The following SYCP1 variants were observed in gnomAD, a reference collection of about 807,000 sequenced individuals.
SYCP1 encodes cancer/testis antigen 8.
A neutral mutation model predicts 153.1 loss-of-function variants in SYCP1; 64 were observed. The observed-to-expected ratio is 0.42, with a 90% CI of 0.34 to 0.51. The LOEUF (loss-of-function observed/expected upper bound fraction) is 0.51, where lower values mean the gene tolerates loss of function less well. SYCP1 is among the 20% of genes least tolerant of loss of function. The pLI is 0.06. For synonymous variants in SYCP1, 384 were observed against 341.8 expected (o/e 1.12, Z -1.36); for missense variants, 997 against 1,049.0 (o/e 0.95, Z 0.68).
intron 2 of SYCP1, among the ~76,000 whole-genome samples, chr1:114,855,775 G>A (rs1293550067): frequency 1.3e-5 from 2 of 152,120 alleles, no homozygotes; most frequent in African/African-American, 4.8e-5. Flanking sequence ...GACTGCTGCC[G>A]TAGAACTCTG....
At chr1:114,893,235 C>T (rs992345004) in intron 15 of SYCP1, among the ~76,000 whole-genome samples, 1 of 152,050 alleles carries the variant, frequency 6.6e-6, no homozygotes, top group African/African-American at 2.4e-5. Flanking sequence ...TGTTCTTTTT[C>T]CTGAATTGGG....
intron 23 of SYCP1, among the ~76,000 whole-genome samples, chr1:114,942,625 C>T (rs1469328227): frequency 3.3e-5 from 5 of 151,824 alleles, no homozygotes; most frequent in African/African-American, 1.2e-4. Context: ...GAACATTTGA[C>T]TATCTATATG....
chr1:114,978,196 C>G (rs1672926358), intron 28 of SYCP1, among the ~76,000 whole-genome samples: 1 of 151,452 alleles, frequency 6.6e-6, no homozygotes, highest in Non-Finnish European at 1.5e-5. Flanking sequence ...CTTGAAATCC[C>G]AAATTAGACA....
chr1:114,859,546 C>A, intron 6 of SYCP1, 197 bp from the exon 7 acceptor site: 1 of 205,956 alleles, frequency 4.9e-6, no homozygotes, highest in South Asian at 1.1e-4. Flanking sequence ...ATTTAGCCTT[C>A]TTTATTTTAG....
chr1:114,916,968 A>G (rs1004937198), intron 20 of SYCP1, among the ~76,000 whole-genome samples: 5 of 152,116 alleles, frequency 3.3e-5, no homozygotes, highest in Admixed American at 2.6e-4. Flanking sequence ...TGGGGTATGC[A>G]TCACTTTAAG....
At chr1:114,981,576 C>A in intron 29 of SYCP1, 64 bp downstream of exon 29, 1 of 1,400,554 alleles carries the variant, frequency 7.1e-7, no homozygotes, top group South Asian at 1.3e-5. Context: ...GTTCTGTTAT[C>A]ACCATATATC....
Position 114,874,525 on chromosome 1 carries a change from A to G in SYCP1, c.618A>G (p.Glu206=). 6.3e-7 allele frequency: 1 copy of G among 1,575,942 alleles called. No individual in the cohort carries two copies. The highest frequency in any genetic ancestry group is 8.6e-7 in the Non-Finnish European group (1 of 1,157,368). ...KTKKYEYERE[E]TRQVYMDLNN... ...CAATAGATGAATATGAACGGGAAGAAACCAGGCAAGTTTATATGGATCTAA... is the reference window on the plus strand; with the variant it reads ...CAATAGATGAATATGAACGGGAAGAGACCAGGCAAGTTTATATGGATCTAA... The change falls in exon 9 of 32, where the codon GAA becomes GAG. Residue 206 remains glutamate (E), a synonymous_variant. Transcript: ENST00000369522.
intron 27 of SYCP1, among the ~76,000 whole-genome samples, chr1:114,948,393 A>G (rs1050323975): frequency 2.6e-5 from 4 of 152,212 alleles, no homozygotes; most frequent in Non-Finnish European, 5.9e-5. Context: ...CAGAATGACT[A>G]GATTTCAAAC....
chr1:114,857,224 T>C lies in SYCP1; in HGVS notation c.194-8T>C. The C allele has an allele frequency of 6.3e-7, 1 of 1,593,052 alleles. No homozygotes were observed. Among genetic ancestry groups the C allele is most frequent in the South Asian group, 1.2e-5 (1 of 86,026 alleles). On this transcript the variant is annotated splice_polypyrimidine_tract_variant and splice_region_variant and intron_variant, in intron 3 of 31. Coordinates refer to ENST00000369522, the MANE Select transcript of SYCP1 (RefSeq NM_003176.4). The stretch of plus-strand genomic sequence containing the variant: ...CGTATTTAATACCTGTTGTCTTTTA[T>C]CTTGCAGATCCTGCTTTACAAAAAG...
intron 21 of SYCP1, among the ~76,000 whole-genome samples, chr1:114,924,589 G>GT (rs1669132925): frequency 6.6e-6 from 1 of 152,112 alleles, no homozygotes; most frequent in South Asian, 2.1e-4. Flanking sequence ...GTGGATACAA[G>GT]TATAGCAGGG....
intron 19 of SYCP1, among the ~76,000 whole-genome samples, chr1:114,913,630 A>G (rs1245871543): frequency 6.6e-6 from 1 of 152,096 alleles, no homozygotes; most frequent in Non-Finnish European, 1.5e-5. Flanking sequence ...CTGAGAGAAT[A>G]TAGCATTGAT....
At chr1:114,967,799 T>C (rs550757492) in intron 27 of SYCP1, among the ~76,000 whole-genome samples, 1 of 152,226 alleles carries the variant, frequency 6.6e-6, no homozygotes, top group Admixed American at 6.5e-5. Flanking sequence ...CATTTTGGTA[T>C]GTTTTTGCAG....
At chr1:114,892,904 C>A (rs758868372) in intron 15 of SYCP1, among the ~76,000 whole-genome samples, 5 of 151,856 alleles carry the variant, frequency 3.3e-5, no homozygotes, top group Non-Finnish European at 7.4e-5. Context: ...CAAAATGGTA[C>A]GGGGCTATAG....
chr1:114,866,274 G>A (rs1009848630), intron 8 of SYCP1, among the ~76,000 whole-genome samples: 5 of 151,916 alleles, frequency 3.3e-5, no homozygotes, highest in African/African-American at 1.2e-4. Context: ...TCCAAAGTGG[G>A]TGTACAATTT....
chr1:114,995,023 C>A lies in SYCP1; in HGVS notation c.*4C>A. ...AGCTGAAAAGTTATTTGTTTAATTT[C>A]AGAGAATCAGTGTAGTTAAGGAGCC... On this transcript the variant is annotated 3_prime_UTR_variant, in exon 32 of 32. Transcript: ENST00000369522. The A allele has an allele frequency of 6.3e-7, 1 of 1,594,318 alleles. No homozygotes were observed. The highest frequency in any genetic ancestry group is 1.1e-5 in the South Asian group (1 of 88,114).
At chr1:114,963,944 A>G (rs1671940612) in intron 27 of SYCP1, among the ~76,000 whole-genome samples, 1 of 152,156 alleles carries the variant, frequency 6.6e-6, no homozygotes, top group African/African-American at 2.4e-5. Context: ...TTGAGGAATC[A>G]CCACACTGTC....
intron 30 of SYCP1, among the ~76,000 whole-genome samples, chr1:114,991,175 G>A (rs1323274008): frequency 2.0e-5 from 3 of 151,906 alleles, no homozygotes; most frequent in East Asian, 3.9e-4. Context: ...TGATAGAGGA[G>A]TATAAATTGG....
At chr1:114,906,699 A>G (rs1203143842) in intron 16 of SYCP1, among the ~76,000 whole-genome samples, 2 of 152,078 alleles carry the variant, frequency 1.3e-5, no homozygotes, top group East Asian at 3.9e-4. Context: ...TAACTTTGTT[A>G]TGGTCAGAGA....
At chr1:114,986,570 C>T (rs1673518140) in intron 30 of SYCP1, among the ~76,000 whole-genome samples, 1 of 152,024 alleles carries the variant, frequency 6.6e-6, no homozygotes, top group Non-Finnish European at 1.5e-5. Flanking sequence ...TCTAAAAACA[C>T]ATTTCACAAT....
Sources: gnomAD v4.1 joint callset for allele counts (sites outside exome capture counted in the v4.1 genomes callset) on GRCh38, gnomAD v4.1.1 for gene constraint, MANE v1.5 for transcripts, NCBI Gene and HGNC (gene_info 2026-07-23, HGNC 2026-07-21) for gene names.